The following ATP5MJ variants were observed in gnomAD, a reference collection of about 807,000 sequenced individuals.
ATP5MJ encodes the protein ATP synthase F(0) complex subunit j, mitochondrial.
ATP5MJ carries 4 observed loss-of-function variants against 8.3 expected under a neutral mutation model. The observed-to-expected ratio is 0.48, with a 90% CI of 0.24 to 1.11. The LOEUF (loss-of-function observed/expected upper bound fraction) is 1.11, where lower values mean the gene tolerates loss of function less well. Among genes scored for constraint, ATP5MJ ranks in the 50% least tolerant of loss-of-function variants. The pLI, the probability that ATP5MJ is intolerant of heterozygous loss-of-function variation, is 0.18. For missense variants in ATP5MJ, 66 were observed against 71.8 expected (o/e 0.92, Z 0.29); for synonymous variants, 23 against 21.3 (o/e 1.08, Z -0.23).
At chr14:103,916,639 G>A (rs2087628041) in intron 1 of ATP5MJ, among the ~76,000 whole-genome samples, 1 of 152,154 alleles carries the variant, frequency 6.6e-6, no homozygotes, top group Non-Finnish European at 1.5e-5. Context: ...CACAGCTATT[G>A]GAAGACTGAG....
chr14:103,915,382 T>C (rs573385134), intron 1 of ATP5MJ, among the ~76,000 whole-genome samples, 193 bp from the exon 2 acceptor site: 1 of 152,254 alleles, frequency 6.6e-6, no homozygotes, highest in Admixed American at 6.5e-5. Flanking sequence ...AGTCTCACTC[T>C]GTCACCCAGG....
intron 1 of ATP5MJ, chr14:103,921,171 G>A: frequency 1.3e-6 from 1 of 754,890 alleles, no homozygotes; most frequent in Non-Finnish European, 2.2e-6. Context: ...TAGCCTCTGG[G>A]TTAGGCAGCT....
intron 2 of ATP5MJ, chr14:103,914,847 A>AAAAAAG: frequency 2.3e-6 from 1 of 442,080 alleles, no homozygotes. Flanking sequence ...CAAAAAAAAA[A>AAAAAAG]AAAAAAAAAA....
intron 1 of ATP5MJ, chr14:103,920,892 CT>C (rs1248188432): frequency 1.5e-6 from 2 of 1,373,130 alleles, no homozygotes; most frequent in Non-Finnish European, 2.0e-6. Flanking sequence ...ACTGTATCCA[CT>C]TAAGTCTGCA....
intron 3 of ATP5MJ, 90 bp from the exon 4 acceptor site, chr14:103,912,784 T>C: frequency 8.5e-6 from 11 of 1,299,566 alleles, no homozygotes; most frequent in Non-Finnish European, 1.2e-5. Flanking sequence ...AAGAAGTTGA[T>C]CAACAGTCCA....
intron 1 of ATP5MJ, among the ~76,000 whole-genome samples, chr14:103,918,370 T>TC (rs1195985652): frequency 2.0e-5 from 3 of 151,074 alleles, no homozygotes; most frequent in African/African-American, 4.8e-5. Context: ...TTTTTTTTTT[T>TC]CTCTTTTTTG....
intron 1 of ATP5MJ, among the ~76,000 whole-genome samples, chr14:103,919,347 C>T (rs2087652910): frequency 6.7e-6 from 1 of 148,774 alleles, no homozygotes; most frequent in South Asian, 2.1e-4. Flanking sequence ...TGCCACTGCA[C>T]TCCAGCCTGG....
intron 1 of ATP5MJ, among the ~76,000 whole-genome samples, chr14:103,918,854 C>T (rs1296235046): frequency 4.0e-5 from 6 of 151,894 alleles, no homozygotes; most frequent in South Asian, 2.1e-4. Context: ...AACCCCGTCT[C>T]TACTAAAAAT....
At chr14:103,915,226 G>A (rs747136713) in intron 1 of ATP5MJ, 37 bp from the exon 2 acceptor site, 1 of 1,605,000 alleles carries the variant, frequency 6.2e-7, no homozygotes, top group South Asian at 1.1e-5. Flanking sequence ...TTAGAATGAT[G>A]ATTGCTTTAA....
In ATP5MJ at chr14:103,913,719, TTAA is replaced by T. The variant is rs1595877106; in HGVS notation, c.148+239_148+241del. 26 of 579,222 alleles carry T rather than the reference TTAA, an allele frequency of 4.5e-5. No individual in the cohort carries two copies. In the East Asian group the frequency reaches 7.5e-4, roughly 17 times the overall value. 35.9% of individuals were successfully genotyped at this position (579,222 alleles called of 1,614,324 possible). A position where few individuals can be genotyped will look rare whatever the true frequency, so the allele number is the denominator to read the frequency against. On this transcript the variant is annotated intron_variant, in intron 3 of 3. Transcript: ENST00000286953. ...TGGTGATGATATCGACTACCTCTAA[TTAA>T]TCCATTCCTCTATTACTCCTGGAAG... is the stretch of plus-strand genomic sequence containing the variant.
Position 103,921,465 on chromosome 14 carries a change from C to T in ATP5MJ, c.-1+5G>A, listed in dbSNP as rs1285463158. 1 of 208,076 alleles carries T rather than the reference C, an allele frequency of 4.8e-6. No individual in the cohort carries two copies. The highest frequency in any genetic ancestry group is 1.0e-5 in the Non-Finnish European group (1 of 99,794). 12.9% of individuals were successfully genotyped at this position (208,076 alleles called of 1,614,324 possible). On this transcript the variant is annotated splice_donor_5th_base_variant and intron_variant, in intron 1 of 3. Coordinates refer to ENST00000286953, the MANE Select transcript of ATP5MJ (RefSeq NM_004894.3). ...CGGGAGCCAGGTCCAGGTCCCCGTA[C>T]TCACCTTGGCGCAGGACAGACGGCT...
At chr14:103,915,254 T>C in intron 1 of ATP5MJ, 65 bp from the exon 2 acceptor site, 1 of 1,570,822 alleles carries the variant, frequency 6.4e-7, no homozygotes, top group South Asian at 1.1e-5. Context: ...TGGTAAAAGA[T>C]TTTAATTTGT....
chr14:103,912,787 AC>A (rs1422803117), intron 3 of ATP5MJ, 93 bp from the exon 4 acceptor site: 7 of 1,281,304 alleles, frequency 5.5e-6, no homozygotes, highest in African/African-American at 1.5e-5. Context: ...AAGTTGATCA[AC>A]AGTCCAAAAA....
chr14:103,913,886 C>T, intron 3 of ATP5MJ, 75 bp downstream of exon 3: 1 of 1,526,314 alleles, frequency 6.6e-7, no homozygotes, highest in South Asian at 1.1e-5. Context: ...CAATTGAGAA[C>T]AACGATATAC....
chr14:103,921,427 C>T (rs866400707), intron 1 of ATP5MJ, 43 bp downstream of exon 1: 1 of 226,176 alleles, frequency 4.4e-6, no homozygotes. Context: ...CCCGCCCCCG[C>T]CGTCTCGCAC....
At chr14:103,920,913 CACATT>C in intron 1 of ATP5MJ, 1 of 1,518,576 alleles carries the variant, frequency 6.6e-7, no homozygotes, top group South Asian at 1.2e-5. Flanking sequence ...AAAGTTTTGG[CACATT>C]ACATTAAGGG....
intron 2 of ATP5MJ, 87 bp downstream of exon 2, chr14:103,914,979 C>A: frequency 6.4e-7 from 1 of 1,558,256 alleles, no homozygotes. Flanking sequence ...AGTTAGAACC[C>A]ATAGTTCCTT....
At chr14:103,915,996 C>T (rs559735766) in intron 1 of ATP5MJ, among the ~76,000 whole-genome samples, 260 of 152,270 alleles carry the variant, frequency 1.7e-3, no homozygotes, top group African/African-American at 6.0e-3. Context: ...TAATGAATGT[C>T]GCATTCGAAG....
At chr14:103,920,468 CTTTTTTTTT>C (rs57538744) in intron 1 of ATP5MJ, among the ~76,000 whole-genome samples, 1 of 106,574 alleles carries the variant, frequency 9.4e-6, no homozygotes, top group Non-Finnish European at 1.8e-5. Context: ...ACAGCCCCTA[CTTTTTTTTT>C]TTTTTTTTTT....
Sources: allele counts gnomAD v4.1 joint callset (sites outside exome capture counted in the v4.1 genomes callset), GRCh38; gene constraint gnomAD v4.1.1; transcripts MANE v1.5; gene names NCBI Gene and HGNC (gene_info 2026-07-23, HGNC 2026-07-21).